Variants in SESN3 observed in about 807,000 individuals in gnomAD.
SESN3 encodes the protein sestrin 3.
In SESN3, 21 loss-of-function variants were observed where a neutral mutation model predicts 55.3. The observed-to-expected ratio is 0.38, with a 90% confidence interval of 0.27 to 0.55. The LOEUF is 0.55. Among genes scored for constraint, SESN3 ranks in the 20% least tolerant of loss-of-function variants. SESN3 has a pLI of 0.76. For synonymous variants in SESN3, 181 were observed against 203.1 expected, an observed-to-expected ratio of 0.89 and a Z score of 0.93; for missense variants, 408 against 604.3, an observed-to-expected ratio of 0.68 and a Z score of 3.41.
Position 95,231,161 on chromosome 11 carries a change from ACCGCTGCCACCGCCACCACCGCCG to A in SESN3, c.-325_-302del, listed in dbSNP as rs1861057266. ...CGCCAGGCTAGGACGAGCAGCCGCC[ACCGCTGCCACCGCCACCACCGCCG>A]CCGCAGCGCCTCAGTGCGGCCCCGC... is the stretch of plus-strand genomic sequence containing the variant. On this transcript the variant is annotated 5_prime_UTR_variant, in exon 1 of 10. Coordinates refer to ENST00000536441, the MANE Select transcript of SESN3 (RefSeq NM_144665.4). 4.2e-6 allele frequency: 1 copy of A among 240,452 alleles called. No individual in the cohort carries two copies. The highest frequency in any genetic ancestry group is 9.1e-5 in the Admixed American group (1 of 11,000). 14.9% of individuals were successfully genotyped at this position (240,452 alleles called of 1,614,324 possible).
At chr11:95,213,192 T>C (rs1330603400) in intron 1 of SESN3, among the ~76,000 whole-genome samples, 1 of 152,166 alleles carries the variant, frequency 6.6e-6, no homozygotes, top group Non-Finnish European at 1.5e-5. Context: ...ATATTGTGGA[T>C]GTCTGTCCAC....
At chr11:95,199,887 TTCTGG>T (rs1435666089) in intron 1 of SESN3, among the ~76,000 whole-genome samples, 6 of 152,038 alleles carry the variant, frequency 3.9e-5, no homozygotes, top group Non-Finnish European at 7.4e-5. Flanking sequence ...ATATAAAACA[TTCTGG>T]TAAAGTAAAA....
intron 6 of SESN3, among the ~76,000 whole-genome samples, chr11:95,181,361 T>A (rs1175335946): frequency 6.6e-6 from 1 of 152,098 alleles, no homozygotes; most frequent in African/African-American, 2.4e-5. Flanking sequence ...CCTAGACAAT[T>A]TTTATTCACA....
At chr11:95,212,965 A>C (rs910421804) in intron 1 of SESN3, among the ~76,000 whole-genome samples, 1 of 152,174 alleles carries the variant, frequency 6.6e-6, no homozygotes, top group African/African-American at 2.4e-5. Context: ...TATTATTTCA[A>C]ATCAGTAATA....
intron 1 of SESN3, among the ~76,000 whole-genome samples, chr11:95,215,539 T>C (rs1671046950): frequency 6.6e-6 from 1 of 152,186 alleles, no homozygotes; most frequent in South Asian, 2.1e-4. Context: ...AAAATTGTTA[T>C]CTAGTTTGGT....
rs1433012201 is a variant in SESN3, at chr11:95,191,453, C to T, written c.293G>A (p.Arg98His). 3.1e-6 allele frequency: 5 copies of T among 1,612,804 alleles called. No homozygotes were observed. Among genetic ancestry groups the T allele is most frequent in the Admixed American group, 1.7e-5 (1 of 59,820 alleles). ...SFLRSQFYML[R>H]MDGPLPLPYR... ...TGGTAGAGGAAGGGGACCATCCATG[C>T]GCAACATGTAAAACTGGCTCCGCAA... Residue 98 changes from arginine to histidine, a missense_variant, in exon 3 of 10, where the codon CGC (arginine) becomes CAC (histidine). By Grantham distance (29) the Arg-to-His change is conservative. Transcript: ENST00000536441.
chr11:95,201,136 A>G (rs1041056196), intron 1 of SESN3: 2 of 152,066 alleles, frequency 1.3e-5, no homozygotes, highest in African/African-American at 2.4e-5. Flanking sequence ...ATGATTAAGT[A>G]ACTTTCATAA....
At chr11:95,192,274 A>G (rs1023648751) in intron 2 of SESN3, among the ~76,000 whole-genome samples, 14 of 152,102 alleles carry the variant, frequency 9.2e-5, no homozygotes, top group African/African-American at 3.4e-4. Context: ...TAGATTATTT[A>G]TATATAGCTT....
intron 1 of SESN3, among the ~76,000 whole-genome samples, chr11:95,220,814 G>C (rs945417849): frequency 6.6e-6 from 1 of 152,162 alleles, no homozygotes; most frequent in Non-Finnish European, 1.5e-5. Flanking sequence ...TCACTTACTG[G>C]TAATATAACC....
rs2134207300 is a variant in SESN3, at chr11:95,171,849, A to G, written c.*1406T>C. The G allele has an allele frequency of 6.6e-6, 1 of 152,332 alleles. No homozygotes were observed. The highest frequency in any genetic ancestry group is 1.5e-5 in the Non-Finnish European group (1 of 68,004). 9.4% of individuals were successfully genotyped at this position (152,332 alleles called of 1,614,324 possible). A position where few individuals can be genotyped will look rare whatever the true frequency, so the allele number is the denominator to read the frequency against. On this transcript the variant is annotated 3_prime_UTR_variant, in exon 10 of 10. Coordinates refer to ENST00000536441, the MANE Select transcript of SESN3 (RefSeq NM_144665.4). Reference sequence around the variant, plus strand: ...TAATACAAATTAAAGCTATAAACACATAATGTGCTCTCTGAAGATAGTCTA... The same window carrying G: ...TAATACAAATTAAAGCTATAAACACGTAATGTGCTCTCTGAAGATAGTCTA...
chr11:95,218,889 T>TA (rs1729119227), intron 1 of SESN3, among the ~76,000 whole-genome samples: 1 of 152,150 alleles, frequency 6.6e-6, no homozygotes, highest in African/African-American at 2.4e-5. Flanking sequence ...CCTGACCTCG[T>TA]GATCCGCCCG....
chr11:95,224,762 G>C (rs11021087), intron 1 of SESN3, among the ~76,000 whole-genome samples: 6,702 of 152,198 alleles, frequency 0.044, 279 homozygotes, highest in East Asian at 0.22. Flanking sequence ...GTGTCAATTA[G>C]TTTCCTTGAA....
intron 4 of SESN3, among the ~76,000 whole-genome samples, chr11:95,186,670 G>T (rs1860172897): frequency 6.6e-6 from 1 of 151,702 alleles, no homozygotes; most frequent in Non-Finnish European, 1.5e-5. Context: ...TAATTAATCT[G>T]GTCATTGTAC....
At chr11:95,201,671 C>G (rs549541705) in intron 1 of SESN3, among the ~76,000 whole-genome samples, 7 of 152,128 alleles carry the variant, frequency 4.6e-5, no homozygotes, top group African/African-American at 1.7e-4. Context: ...TAATTAAGAA[C>G]AAATGCTATA....
At chr11:95,231,266 A>T, upstream of SESN3, 2 of 392,686 alleles carry the variant, frequency 5.1e-6, no homozygotes. Flanking sequence ...CCCTCCCGCC[A>T]ATCGGACAGC....
chr11:95,224,466 T>A (rs1195339561), intron 1 of SESN3: 14 of 441,388 alleles, frequency 3.2e-5, no homozygotes, highest in Non-Finnish European at 5.9e-5. Flanking sequence ...TCCATTATGC[T>A]CTAATTGGCT....
At chr11:95,178,199 T>A (rs1859994292) in intron 7 of SESN3, among the ~76,000 whole-genome samples, 1 of 152,158 alleles carries the variant, frequency 6.6e-6, no homozygotes, top group Non-Finnish European at 1.5e-5. Context: ...CCCCAGGAGA[T>A]CTTGGAATAT....
At chr11:95,196,747 A>T (rs1366539877) in intron 1 of SESN3, among the ~76,000 whole-genome samples, 1 of 152,212 alleles carries the variant, frequency 6.6e-6, no homozygotes, top group African/African-American at 2.4e-5. Context: ...ACTCTACAGG[A>T]CAGCGCAGAC....
intron 1 of SESN3, among the ~76,000 whole-genome samples, chr11:95,212,254 T>TA (rs1860669502): frequency 6.6e-6 from 1 of 152,130 alleles, no homozygotes; most frequent in South Asian, 2.1e-4. Flanking sequence ...AGATACATAA[T>TA]AATCTATTAA....
Sources: allele counts gnomAD v4.1 joint callset (sites outside exome capture counted in the v4.1 genomes callset), GRCh38; gene constraint gnomAD v4.1.1; transcripts MANE v1.5; gene names NCBI Gene and HGNC (gene_info 2026-07-23, HGNC 2026-07-21).